The following HADH variants were observed in gnomAD, a reference collection of about 807,000 sequenced individuals.
HADH encodes hydroxyacyl-coenzyme A dehydrogenase, mitochondrial.
A neutral mutation model predicts 32.2 loss-of-function variants in HADH; 24 were observed. The observed-to-expected ratio is 0.75, with a 90% CI of 0.54 to 1.05. The LOEUF (loss-of-function observed/expected upper bound fraction) is 1.05, where lower values mean the gene tolerates loss of function less well. Ranked by LOEUF, HADH falls within the 50% of genes least tolerant of loss-of-function variation. The pLI is 0.00. For synonymous variants in HADH, 139 were observed against 152.5 expected (o/e 0.91, Z 0.65); for missense variants, 350 against 397.1 (o/e 0.88, Z 1.01).
intron 1 of HADH, among the ~76,000 whole-genome samples, chr4:107,998,306 GTCTC>G (rs767713774): frequency 8.7e-4 from 133 of 152,276 alleles, no homozygotes; most frequent in African/African-American, 2.8e-3. Flanking sequence ...TTGAGACAGA[GTCTC>G]TCTCTATCAC....
At chr4:107,999,486 C>T (rs1311576279) in intron 1 of HADH, among the ~76,000 whole-genome samples, 1 of 151,894 alleles carries the variant, frequency 6.6e-6, no homozygotes, top group South Asian at 2.1e-4. Context: ...CTTTTTTTTC[C>T]TTACTATCCT....
At chr4:107,990,113 G>T in intron 1 of HADH, 49 bp downstream of exon 1, 1 of 1,567,082 alleles carries the variant, frequency 6.4e-7, no homozygotes, top group South Asian at 1.2e-5. Flanking sequence ...CGCCCACCCT[G>T]AGGTGGAAGC....
intron 2 of HADH, among the ~76,000 whole-genome samples, chr4:108,012,892 T>C (rs1221735016): frequency 2.0e-5 from 3 of 152,234 alleles, no homozygotes; most frequent in Non-Finnish European, 4.4e-5. Context: ...GAGGAACTTC[T>C]ACTTTACTTT....
chr4:108,022,414 T>C (rs1251248684), intron 4 of HADH, among the ~76,000 whole-genome samples: 2 of 152,104 alleles, frequency 1.3e-5, no homozygotes, highest in Admixed American at 1.3e-4. Context: ...CTTGTGCCCT[T>C]GCCTGTACCT....
intron 3 of HADH, among the ~76,000 whole-genome samples, chr4:108,016,439 G>A (rs773966342): frequency 6.6e-5 from 10 of 152,102 alleles, no homozygotes; most frequent in Admixed American, 2.6e-4. Flanking sequence ...CAGTGTCCTC[G>A]TGCATTTCAC....
Position 108,032,746 on chromosome 4 carries a change from G to C in HADH, c.710-430G>C, listed in dbSNP as rs193047491. Reference sequence around the variant, plus strand: ...ACCTGTAATCTTAGCACTTTGGGAAGCTGAGACGGGAGGATCACTTGAGGT... The same window carrying C: ...ACCTGTAATCTTAGCACTTTGGGAACCTGAGACGGGAGGATCACTTGAGGT... On this transcript the variant is annotated intron_variant, in intron 6 of 7. Coordinates refer to ENST00000309522, the MANE Select transcript of HADH (RefSeq NM_005327.7). 7.1e-4 allele frequency: 232 copies of C among 327,902 alleles called. No individual in the cohort carries two copies. The East Asian group carries it at 0.016, about 22-fold the overall frequency. 20.3% of individuals were successfully genotyped at this position (327,902 alleles called of 1,614,324 possible).
intron 6 of HADH, chr4:108,028,116 G>A: frequency 9.2e-6 from 3 of 327,424 alleles, no homozygotes; most frequent in Non-Finnish European, 1.7e-5. Context: ...CACTAGGCTA[G>A]GAGATCTTGA....
intron 1 of HADH, among the ~76,000 whole-genome samples, chr4:108,003,105 CTTTT>C (rs11390276): frequency 3.2e-5 from 4 of 124,208 alleles, no homozygotes; most frequent in Admixed American, 8.3e-5. Context: ...GTGTCTTAGT[CTTTT>C]TTTTTTTTTT....
intron 1 of HADH, among the ~76,000 whole-genome samples, chr4:107,993,842 A>G (rs926139895): frequency 1.3e-5 from 2 of 152,184 alleles, no homozygotes; most frequent in African/African-American, 4.8e-5. Context: ...ATTTATCTTC[A>G]CTGGATACTT....
In HADH at chr4:108,019,679, C is replaced by T. The variant is rs753418769; in HGVS notation, c.546+13C>T. 1 of 1,613,910 alleles carries T rather than the reference C, an allele frequency of 6.2e-7. No homozygotes were observed. The highest frequency in any genetic ancestry group is 8.5e-7 in the Non-Finnish European group (1 of 1,179,850). ...GAAACTTGTGGAGGTCAGTGGGTGT[C>T]AGCTTGTGTGTGTCTGCCCGCTCTG... is the stretch of plus-strand genomic sequence containing the variant. On this transcript the variant is annotated intron_variant, in intron 4 of 7. Transcript: ENST00000309522.
chr4:107,998,262 G>T (rs143918364), intron 1 of HADH, among the ~76,000 whole-genome samples: 1 of 152,050 alleles, frequency 6.6e-6, no homozygotes, highest in African/African-American at 2.4e-5. Context: ...TGGGGAGTAG[G>T]CTTACTAACT....
At chr4:108,024,671 G>T (rs1736000013) in intron 5 of HADH, 1 of 152,142 alleles carries the variant, frequency 6.6e-6, no homozygotes, top group African/African-American at 2.4e-5. Flanking sequence ...TTAATAATTG[G>T]ATGTTATGAT....
chr4:108,002,168 G>T (rs982235333), intron 1 of HADH, among the ~76,000 whole-genome samples: 1 of 152,162 alleles, frequency 6.6e-6, no homozygotes, highest in Non-Finnish European at 1.5e-5. Context: ...CAGAGCAGGG[G>T]TCCCCAACTT....
At chr4:108,009,948 C>A in intron 2 of HADH, 61 bp downstream of exon 2, 1 of 1,070,576 alleles carries the variant, frequency 9.3e-7, no homozygotes, top group Non-Finnish European at 1.4e-6. Context: ...ATTTGCAGGG[C>A]AATGGGGGAT....
chr4:108,020,050 G>T (rs1480050679), intron 4 of HADH, among the ~76,000 whole-genome samples: 1 of 152,204 alleles, frequency 6.6e-6, no homozygotes, highest in Non-Finnish European at 1.5e-5. Context: ...TGTAAATGCA[G>T]TTCTCATTAG....
chr4:108,013,089 C>T (rs1416537600), intron 2 of HADH, among the ~76,000 whole-genome samples: 2 of 152,222 alleles, frequency 1.3e-5, no homozygotes, highest in Non-Finnish European at 2.9e-5. Flanking sequence ...CCCGCTACCA[C>T]GCCCAGCAAA....
At chr4:107,995,469 C>G in intron 1 of HADH, among the ~76,000 whole-genome samples, 1 of 152,140 alleles carries the variant, frequency 6.6e-6, no homozygotes, top group East Asian at 1.9e-4. Flanking sequence ...ATTGTCTTCA[C>G]TGTCGGAAGA....
intron 3 of HADH, among the ~76,000 whole-genome samples, chr4:108,014,941 C>G (rs1033689939): frequency 1.3e-5 from 2 of 152,186 alleles, no homozygotes; most frequent in African/African-American, 4.8e-5. Flanking sequence ...CACTCCTGTT[C>G]ATGTTGCTTC....
At chr4:108,031,480 G>A (rs1199839263) in intron 6 of HADH, 1 of 152,218 alleles carries the variant, frequency 6.6e-6, no homozygotes, top group East Asian at 1.9e-4. Context: ...CCTCTGAGTA[G>A]AACCCACTTT....
Sources: allele counts gnomAD v4.1 joint callset (sites outside exome capture counted in the v4.1 genomes callset), GRCh38; gene constraint gnomAD v4.1.1; transcripts MANE v1.5; gene names NCBI Gene and HGNC (gene_info 2026-07-23, HGNC 2026-07-21).